Variants in FER observed in about 807,000 individuals in gnomAD.
FER encodes the protein tyrosine-protein kinase Fer.
Under a neutral mutation model 111.0 loss-of-function variants are expected in FER, and 63 were observed. The observed-to-expected ratio is 0.57, with a 90% CI of 0.46 to 0.70. The LOEUF (loss-of-function observed/expected upper bound fraction) is 0.70, where lower values mean the gene tolerates loss of function less well. FER is among the 30% of genes least tolerant of loss of function. The pLI, the probability that FER is intolerant of heterozygous loss-of-function variation, is 0.00. For synonymous variants in FER, 327 were observed against 313.9 expected, an observed-to-expected ratio of 1.04 and a Z score of -0.44; for missense variants, 914 against 954.0, an observed-to-expected ratio of 0.96 and a Z score of 0.55.
chr5:108,925,066 T>C (rs1466323494), intron 10 of FER, among the ~76,000 whole-genome samples: 1 of 151,910 alleles, frequency 6.6e-6, no homozygotes, highest in Non-Finnish European at 1.5e-5. Context: ...AAATATGTCC[T>C]TTCCAGTATT....
intron 2 of FER, among the ~76,000 whole-genome samples, chr5:108,769,875 A>G (rs1752701953): frequency 6.6e-6 from 1 of 152,220 alleles, no homozygotes; most frequent in Admixed American, 6.5e-5. Flanking sequence ...CTGGAAATAA[A>G]GCATCTGGCA....
intron 10 of FER, among the ~76,000 whole-genome samples, chr5:108,898,558 T>TC (rs1749505740): frequency 8.3e-6 from 1 of 120,366 alleles, no homozygotes; most frequent in African/African-American, 3.0e-5. Context: ...CTTCCTCCCT[T>TC]CCCTTCCCTT....
At chr5:108,841,396 G>T (rs565726693) in intron 5 of FER, among the ~76,000 whole-genome samples, 2 of 152,112 alleles carry the variant, frequency 1.3e-5, no homozygotes, top group Admixed American at 1.3e-4. Context: ...AATCCATAAA[G>T]CTTGTATCTG....
intron 17 of FER, among the ~76,000 whole-genome samples, chr5:109,136,256 G>C (rs760521086): frequency 6.6e-6 from 1 of 151,720 alleles, no homozygotes; most frequent in Non-Finnish European, 1.5e-5. Context: ...TCACGCCACT[G>C]TACTCCAGCC....
chr5:109,105,230 T>TTGTGTG lies in FER; in HGVS notation c.2048+4755_2048+4760dup, dbSNP rs72106747. 5.6e-3 allele frequency among the ~76,000 whole-genome samples: 783 copies of TTGTGTG among 138,622 alleles called. 6 individuals carry two copies. The highest frequency in any genetic ancestry group is 0.011 in the African/African-American group (418 of 37,252). 90.9% of individuals were successfully genotyped at this position (138,622 alleles called of 152,430 possible). ...GTAAGATACTGCTTCCAGCTTATAT[T>TTGTGTG]TGTGTGTGTGTGTGTGTGTGTGTGT... On this transcript the variant is annotated intron_variant, in intron 17 of 19. Transcript: ENST00000281092.
At chr5:109,108,944 G>T (rs1227950106) in intron 17 of FER, among the ~76,000 whole-genome samples, 1 of 151,986 alleles carries the variant, frequency 6.6e-6, no homozygotes, top group Non-Finnish European at 1.5e-5. Context: ...TTAAAATATT[G>T]TTCATCATTT....
intron 16 of FER, among the ~76,000 whole-genome samples, chr5:109,094,719 A>T (rs1174894716): frequency 6.6e-6 from 1 of 152,214 alleles, no homozygotes; most frequent in African/African-American, 2.4e-5. Flanking sequence ...TTATTCACAG[A>T]AACAGGCAAT....
intron 13 of FER, among the ~76,000 whole-genome samples, chr5:108,974,745 C>A (rs1014843062): frequency 3.3e-5 from 5 of 152,172 alleles, no homozygotes; most frequent in Non-Finnish European, 2.9e-5. Flanking sequence ...GATATGCCTA[C>A]AGTATGACTA....
chr5:108,880,384 G>A (rs115243579), intron 8 of FER, among the ~76,000 whole-genome samples: 1,875 of 152,258 alleles, frequency 0.012, 34 homozygotes, highest in African/African-American at 0.043. Flanking sequence ...CCAGACTTGG[G>A]TGTCAGAAAG....
At chr5:109,062,315 G>A (rs1774521223) in intron 16 of FER, among the ~76,000 whole-genome samples, 3 of 152,036 alleles carry the variant, frequency 2.0e-5, no homozygotes, top group Non-Finnish European at 2.9e-5. Context: ...CTCGAGGCCG[G>A]GAGTTCAAGA....
intron 9 of FER, 111 bp downstream of exon 9, chr5:108,883,629 T>C: frequency 5.1e-6 from 5 of 980,068 alleles, no homozygotes; most frequent in East Asian, 2.9e-5. Context: ...GAAACTTTTA[T>C]TTTAAGTATG....
chr5:109,156,544 A>G (rs746068274), intron 17 of FER, among the ~76,000 whole-genome samples: 21 of 151,864 alleles, frequency 1.4e-4, no homozygotes, highest in Non-Finnish European at 2.6e-4. Flanking sequence ...AGTCATGAGC[A>G]TATAGATGAC....
At chr5:109,022,722 T>C (rs912677786) in intron 13 of FER, among the ~76,000 whole-genome samples, 2 of 152,036 alleles carry the variant, frequency 1.3e-5, no homozygotes, top group African/African-American at 4.8e-5. Context: ...CATGAACTTG[T>C]AGAGGAAAAC....
intron 1 of FER, among the ~76,000 whole-genome samples, chr5:108,767,372 T>C (rs1752437549): frequency 6.6e-6 from 1 of 152,186 alleles, no homozygotes; most frequent in South Asian, 2.1e-4. Context: ...GCTGGGGGAA[T>C]CCTTCCCAAA....
intron 17 of FER, among the ~76,000 whole-genome samples, chr5:109,121,111 G>C (rs1750911332): frequency 6.6e-6 from 1 of 151,932 alleles, no homozygotes; most frequent in African/African-American, 2.4e-5. Flanking sequence ...GATTGCTCTA[G>C]CTAGGAATTC....
rs368728795 is a variant in FER, at chr5:108,995,564, G to A, written c.1656+36217G>A. ...AGTTTGCTGAGAATTATAGTTTTCA[G>A]CTTCATCCATGTCCCTGCAAAAACA... On this transcript the variant is annotated intron_variant, in intron 13 of 19. Coordinates refer to ENST00000281092, the MANE Select transcript of FER (RefSeq NM_005246.4). Among the ~76,000 whole-genome samples, 122 of 152,110 alleles carry A rather than the reference G, an allele frequency of 8.0e-4. 1 individual carries two copies. Among genetic ancestry groups the A allele is most frequent in the African/African-American group, 2.8e-3 (116 of 41,506 alleles).
intron 1 of FER, among the ~76,000 whole-genome samples, chr5:108,766,525 A>G (rs1244439558): frequency 6.6e-6 from 1 of 152,226 alleles, no homozygotes; most frequent in East Asian, 1.9e-4. Flanking sequence ...TTTCCAACCA[A>G]TTCTAGCTTT....
intron 13 of FER, among the ~76,000 whole-genome samples, chr5:108,977,353 A>G (rs1199449935): frequency 2.0e-5 from 3 of 152,194 alleles, no homozygotes; most frequent in Admixed American, 6.5e-5. Flanking sequence ...GATGTATTTT[A>G]TGGATTCATG....
rs1752818826 is a variant in FER at position 109,135,690 on chromosome 5, C to A, written c.2048+35171C>A. Among the ~76,000 whole-genome samples the A allele has an allele frequency of 1.3e-5, 2 of 152,124 alleles. 1 individual carries two copies. The highest frequency in any genetic ancestry group is 4.1e-4 in the South Asian group (2 of 4,822). On this transcript the variant is annotated intron_variant, in intron 17 of 19. Coordinates refer to ENST00000281092, the MANE Select transcript of FER (RefSeq NM_005246.4). The stretch of plus-strand genomic sequence containing the variant: ...CACTATTATCCAGTAATCCAGGACT[C>A]CCACTCTAAGCCTGTCTTATTCCCA...
Sources: allele counts gnomAD v4.1 joint callset (sites outside exome capture counted in the v4.1 genomes callset), GRCh38; gene constraint gnomAD v4.1.1; transcripts MANE v1.5; gene names NCBI Gene and HGNC (gene_info 2026-07-23, HGNC 2026-07-21).